SRD5A2: variants seen among roughly 807,000 people sequenced by gnomAD.
SRD5A2 encodes steroid 5 alpha-reductase 2, also known as 3-oxo-5-alpha-steroid 4-dehydrogenase 2.
Under a neutral mutation model 27.4 loss-of-function variants are expected in SRD5A2, and 30 were observed. The observed-to-expected ratio is 1.10, with a 90% CI of 0.82 to 1.49. The LOEUF (loss-of-function observed/expected upper bound fraction) is 1.49. SRD5A2 is among the 40% of genes most tolerant of loss of function. SRD5A2 has a pLI of 0.00. For synonymous variants in SRD5A2, 141 were observed against 133.6 expected, an observed-to-expected ratio of 1.06 and a Z score of -0.38; for missense variants, 348 against 323.4, an observed-to-expected ratio of 1.08 and a Z score of -0.58.
the SRD5A2 span, among the ~76,000 whole-genome samples, chr2:31,622,577 G>A: frequency 6.6e-6 from 1 of 151,998 alleles, no homozygotes; most frequent in East Asian, 1.9e-4. Flanking sequence ...GAGAAGAATT[G>A]GGCCCTTCCT....
chr2:31,637,463 T>C, the SRD5A2 span, among the ~76,000 whole-genome samples: 3 of 152,114 alleles, frequency 2.0e-5, no homozygotes, highest in Admixed American at 2.0e-4. Context: ...AGCAACAGTT[T>C]ATAAATGTCA....
chr2:31,538,990 T>C (rs1666079151), intron 1 of SRD5A2, among the ~76,000 whole-genome samples: 1 of 152,204 alleles, frequency 6.6e-6, no homozygotes, highest in African/African-American at 2.4e-5. Flanking sequence ...GTGCTATAAG[T>C]GGCACACATC....
At chr2:31,538,881 T>C (rs1158528875) in intron 1 of SRD5A2, among the ~76,000 whole-genome samples, 2 of 152,218 alleles carry the variant, frequency 1.3e-5, no homozygotes, top group African/African-American at 4.8e-5. Flanking sequence ...AAGAGAGAAA[T>C]GTTATCTATT....
In SRD5A2 at chr2:31,523,406, C is replaced by A. The variant is rs28383095; in HGVS notation, c.*2790G>T. 1.4e-5 allele frequency: 3 copies of A among 216,024 alleles called. No homozygotes were observed. The highest frequency in any genetic ancestry group is 2.8e-5 in the Non-Finnish European group (3 of 107,246). The allele number at this position is 216,024 out of a possible 1,614,324, so 13.4% of individuals were successfully genotyped here. ...AAGGCTGTGCCTTAAGCAGAAGAAG[C>A]ATACATCTGACCCTCAAAGGGACAA... On this transcript the variant is annotated 3_prime_UTR_variant, in exon 5 of 5. Coordinates refer to ENST00000622030, the MANE Select transcript of SRD5A2 (RefSeq NM_000348.4).
At chr2:31,625,339 T>C in the SRD5A2 span, among the ~76,000 whole-genome samples, 82,719 of 152,008 alleles carry the variant, frequency 0.54, 22,774 homozygotes, top group Non-Finnish European at 0.58. Flanking sequence ...TAGTTTCTTT[T>C]GCTGTGCAGA....
the SRD5A2 span, among the ~76,000 whole-genome samples, chr2:31,653,471 T>C: frequency 6.6e-6 from 1 of 152,162 alleles, no homozygotes; most frequent in Non-Finnish European, 1.5e-5. Flanking sequence ...ACTCTCTCTT[T>C]TGTCTTTTCT....
At chr2:31,573,061 C>G (rs978572861) in intron 1 of SRD5A2, among the ~76,000 whole-genome samples, 4 of 152,016 alleles carry the variant, frequency 2.6e-5, no homozygotes, top group Non-Finnish European at 4.4e-5. Flanking sequence ...CCAAATGGGC[C>G]CCTTTTCCCA....
chr2:31,608,259 C>G, the SRD5A2 span, among the ~76,000 whole-genome samples: 2 of 151,880 alleles, frequency 1.3e-5, no homozygotes, highest in Non-Finnish European at 2.9e-5. Flanking sequence ...GGTAAGATTT[C>G]TATTTTTTAT....
the SRD5A2 span, among the ~76,000 whole-genome samples, chr2:31,611,730 C>G: frequency 6.6e-6 from 1 of 152,076 alleles, no homozygotes; most frequent in Non-Finnish European, 1.5e-5. Context: ...AATGGTACAA[C>G]CACTTTGGAG....
At chr2:31,651,152 C>T in the SRD5A2 span, among the ~76,000 whole-genome samples, 356 of 152,270 alleles carry the variant, frequency 2.3e-3, no homozygotes, top group African/African-American at 7.8e-3. Context: ...GGGTATATCC[C>T]ACCCATCCCT....
chr2:31,529,453 G>C lies in SRD5A2; in HGVS notation c.552C>G (p.Gly184=). The C allele has an allele frequency of 1.2e-6, 2 of 1,612,992 alleles. No homozygotes were observed. The highest frequency in any genetic ancestry group is 2.7e-5 in the African/African-American group (2 of 75,022). The change falls in exon 4 of 5, where the codon GGC becomes GGG. Residue 184 remains glycine (G), a synonymous_variant. Transcript: ENST00000622030. ...GEISYRIPQG[G]LFTYVSGANF... is the part of the protein sequence containing the mutation. ...TGGCTCCAGAAACATACGTAAACAA[G>C]CCACCTGCGTGCAGAAGAATCGGAA...
chr2:31,585,906 G>C (rs954678299), upstream of SRD5A2, among the ~76,000 whole-genome samples: 1 of 152,140 alleles, frequency 6.6e-6, no homozygotes, highest in African/African-American at 2.4e-5. Flanking sequence ...ATGAATACCT[G>C]TGATAATCCA....
chr2:31,618,962 GAATT>G, the SRD5A2 span, among the ~76,000 whole-genome samples: 1 of 151,994 alleles, frequency 6.6e-6, no homozygotes, highest in Non-Finnish European at 1.5e-5. Context: ...AATTATTAGT[GAATT>G]AATAATTTTC....
At chr2:31,567,638 T>C (rs1013212757) in intron 1 of SRD5A2, among the ~76,000 whole-genome samples, 1 of 152,184 alleles carries the variant, frequency 6.6e-6, no homozygotes, top group African/African-American at 2.4e-5. Context: ...TGTGTCACCA[T>C]AGATTAGTTT....
At chr2:31,632,897 C>G in the SRD5A2 span, among the ~76,000 whole-genome samples, 1 of 152,112 alleles carries the variant, frequency 6.6e-6, no homozygotes, top group Non-Finnish European at 1.5e-5. Flanking sequence ...GTCCTCCATG[C>G]CCACACAGCA....
chr2:31,648,463 G>A, the SRD5A2 span, among the ~76,000 whole-genome samples: 1 of 152,194 alleles, frequency 6.6e-6, no homozygotes, highest in African/African-American at 2.4e-5. Context: ...AACATGCAGT[G>A]TTGAAGCTTG....
intron 1 of SRD5A2, among the ~76,000 whole-genome samples, chr2:31,534,992 T>G (rs1239335178): frequency 1.3e-5 from 2 of 152,014 alleles, no homozygotes; most frequent in Non-Finnish European, 2.9e-5. Context: ...GGCAAAAGTA[T>G]GCAGACAGGT....
chr2:31,543,827 GAAGT>G (rs1261747793), intron 1 of SRD5A2, among the ~76,000 whole-genome samples: 1 of 152,050 alleles, frequency 6.6e-6, no homozygotes, highest in Non-Finnish European at 1.5e-5. Context: ...AAAAATTATA[GAAGT>G]AAGTTCCTCC....
chr2:31,633,061 G>C, the SRD5A2 span, among the ~76,000 whole-genome samples: 1 of 151,998 alleles, frequency 6.6e-6, no homozygotes, highest in East Asian at 1.9e-4. Context: ...GAATAGAAGG[G>C]AACCGCCAAG....
Sources: allele counts gnomAD v4.1 joint callset (sites outside exome capture counted in the v4.1 genomes callset), GRCh38; gene constraint gnomAD v4.1.1; transcripts MANE v1.5; gene names NCBI Gene and HGNC (gene_info 2026-07-23, HGNC 2026-07-21).